MYO1H: variants seen among roughly 807,000 people sequenced by gnomAD.
MYO1H encodes the protein myosin IH.
In MYO1H, 118 loss-of-function variants were observed where a neutral mutation model predicts 149.3. The observed-to-expected ratio is 0.79, with a 90% CI of 0.68 to 0.92. The LOEUF (loss-of-function observed/expected upper bound fraction) is 0.92. MYO1H is among the 40% of genes least tolerant of loss of function. The pLI is 0.00. For synonymous variants in MYO1H, 447 were observed against 465.2 expected (o/e 0.96, Z 0.50); for missense variants, 1,212 against 1,280.7 (o/e 0.95, Z 0.82).
chr12:109,403,685 A>G (rs1870259155), intron 6 of MYO1H, among the ~76,000 whole-genome samples: 2 of 152,226 alleles, frequency 1.3e-5, no homozygotes, highest in South Asian at 2.1e-4. Flanking sequence ...GCTTCAATTT[A>G]TTTAGCAAAA....
chr12:109,370,190 T>C (rs1868952742), intron 1 of MYO1H, among the ~76,000 whole-genome samples: 1 of 152,114 alleles, frequency 6.6e-6, no homozygotes, highest in Admixed American at 6.5e-5. Context: ...CCAGGCCCAT[T>C]TCTGTCTTGC....
chr12:109,417,443 TC>T (rs972701814), intron 15 of MYO1H, among the ~76,000 whole-genome samples: 18 of 152,118 alleles, frequency 1.2e-4, no homozygotes, highest in African/African-American at 3.9e-4. Context: ...TTCTCCTGCC[TC>T]AGCCTCCCAA....
At chr12:109,387,501 C>T (rs1007142604) in intron 1 of MYO1H, among the ~76,000 whole-genome samples, 2 of 152,228 alleles carry the variant, frequency 1.3e-5, no homozygotes, top group African/African-American at 4.8e-5. Context: ...TAACCAACTG[C>T]ACGCTTTAGG....
At chr12:109,335,821 A>ACATTT in the MYO1H span, among the ~76,000 whole-genome samples, 1 of 152,160 alleles carries the variant, frequency 6.6e-6, no homozygotes, top group East Asian at 1.9e-4. Context: ...TATGTAGATG[A>ACATTT]CATTTTCTTC....
At chr12:109,388,751 C>A in exon 2 of MYO1H, 1 of 1,612,794 alleles carries the variant, frequency 6.2e-7, no homozygotes, top group South Asian at 1.1e-5. Flanking sequence ...GGGACAAGGT[C>A]GGGGTTCAGG....
intron 1 of MYO1H, among the ~76,000 whole-genome samples, chr12:109,363,368 G>A (rs1868793529): frequency 6.6e-6 from 1 of 152,176 alleles, no homozygotes; most frequent in African/African-American, 2.4e-5. Flanking sequence ...GGCTCCTGAA[G>A]AGAGGAATCC....
At chr12:109,385,222 T>TTATGC (rs1186915073) in intron 1 of MYO1H, among the ~76,000 whole-genome samples, 3 of 152,214 alleles carry the variant, frequency 2.0e-5, no homozygotes, top group Non-Finnish European at 2.9e-5. Flanking sequence ...GTCTTAATCA[T>TTATGC]TATGCTATGC....
intron 25 of MYO1H, 113 bp from the exon 26 acceptor site, chr12:109,441,502 C>G: frequency 3.2e-6 from 2 of 632,680 alleles, no homozygotes; most frequent in Non-Finnish European, 5.3e-6. Context: ...TCCAGGGTAA[C>G]AAGGCTCCCA....
At chr12:109,322,191 T>G in the MYO1H span, among the ~76,000 whole-genome samples, 1 of 152,074 alleles carries the variant, frequency 6.6e-6, no homozygotes, top group Non-Finnish European at 1.5e-5. Context: ...TTTATAAAGA[T>G]CTCCTGGAAG....
At chr12:109,350,963 G>A (rs556694803) in intron 1 of MYO1H, among the ~76,000 whole-genome samples, 1 of 148,994 alleles carries the variant, frequency 6.7e-6, no homozygotes, top group South Asian at 2.1e-4. Context: ...ATGCCATTTT[G>A]TTACATCTGT....
chr12:109,362,005 A>G (rs1358038985), intron 1 of MYO1H, among the ~76,000 whole-genome samples: 1 of 152,200 alleles, frequency 6.6e-6, no homozygotes, highest in East Asian at 1.9e-4. Flanking sequence ...TCACAAGTGA[A>G]TCACGCAGCC....
intron 30 of MYO1H, chr12:109,445,279 C>A: frequency 2.3e-6 from 1 of 440,554 alleles, no homozygotes; most frequent in South Asian, 3.5e-5. Context: ...TCAACTGACC[C>A]TTTGAAGAAC....
chr12:109,436,844 T>C (rs193077977), intron 22 of MYO1H, among the ~76,000 whole-genome samples: 99 of 152,280 alleles, frequency 6.5e-4, no homozygotes, highest in Non-Finnish European at 1.3e-3. Flanking sequence ...ATCCTAGCAC[T>C]TTGGGAGGCT....
At chr12:109,396,354 G>T (rs768130131) in intron 3 of MYO1H, 30 bp from the exon 4 acceptor site, 2 of 1,564,694 alleles carry the variant, frequency 1.3e-6, no homozygotes, top group East Asian at 2.3e-5. Context: ...CCATTAAAAC[G>T]AATTTGTTTC....
chr12:109,333,069 C>T, the MYO1H span, among the ~76,000 whole-genome samples: 1 of 152,166 alleles, frequency 6.6e-6, no homozygotes, highest in South Asian at 2.1e-4. Flanking sequence ...CCTGTAATCC[C>T]AGCACTTTGG....
chr12:109,340,061 T>C, the MYO1H span, among the ~76,000 whole-genome samples: 1 of 151,988 alleles, frequency 6.6e-6, no homozygotes, highest in Non-Finnish European at 1.5e-5. Flanking sequence ...ATTTAAACAC[T>C]AACCTCTGGG....
intron 19 of MYO1H, among the ~76,000 whole-genome samples, chr12:109,428,431 G>A (rs1871472164): frequency 6.6e-6 from 1 of 152,116 alleles, no homozygotes; most frequent in Non-Finnish European, 1.5e-5. Flanking sequence ...GGATTAAATT[G>A]TCTGGGATCA....
At chr12:109,315,304 T>C in the MYO1H span, among the ~76,000 whole-genome samples, 17 of 152,236 alleles carry the variant, frequency 1.1e-4, no homozygotes, top group Admixed American at 1.0e-3. Flanking sequence ...TTTTCTCATA[T>C]CGTGCAGGAT....
chr12:109,407,600 CAAA>C (rs776897477), intron 9 of MYO1H, among the ~76,000 whole-genome samples, 191 bp from the exon 10 acceptor site: 28 of 68,430 alleles, frequency 4.1e-4, no homozygotes, highest in African/African-American at 7.1e-4. Flanking sequence ...CACATTTCTA[CAAA>C]AAAAAAAAAA....
Sources: allele counts gnomAD v4.1 joint callset (sites outside exome capture counted in the v4.1 genomes callset), GRCh38; gene constraint gnomAD v4.1.1; transcripts MANE v1.5; gene names NCBI Gene and HGNC (gene_info 2026-07-23, HGNC 2026-07-21).